Variants in GALNT7 observed in about 807,000 individuals in gnomAD.
GALNT7 encodes the protein N-acetylgalactosaminyltransferase 7.
A neutral mutation model predicts 82.1 loss-of-function variants in GALNT7; 60 were observed. The ratio of observed to expected loss-of-function variants is 0.73; its 90% CI spans 0.59 to 0.91. The LOEUF (loss-of-function observed/expected upper bound fraction) is 0.91, where lower values mean the gene tolerates loss of function less well. Ranked by LOEUF, GALNT7 falls within the 40% of genes least tolerant of loss-of-function variation. GALNT7 has a pLI of 0.00. For missense variants in GALNT7, 660 were observed against 804.2 expected (o/e 0.82, Z 2.17); for synonymous variants, 243 against 275.1 (o/e 0.88, Z 1.15).
intron 2 of GALNT7, among the ~76,000 whole-genome samples, chr4:173,264,373 A>G (rs990677948): frequency 1.3e-5 from 2 of 152,178 alleles, no homozygotes; most frequent in East Asian, 3.9e-4. Flanking sequence ...AGTGTCCATT[A>G]TAAGGTATAA....
At chr4:173,303,513 C>T (rs7684771) in intron 7 of GALNT7, among the ~76,000 whole-genome samples, 4,152 of 152,216 alleles carry the variant, frequency 0.027, 196 homozygotes, top group African/African-American at 0.093. Flanking sequence ...CAGTGGAGAA[C>T]GATCAAAGAT....
chr4:173,312,143 C>G (rs1357611194), intron 8 of GALNT7, among the ~76,000 whole-genome samples: 5 of 152,100 alleles, frequency 3.3e-5, no homozygotes, highest in African/African-American at 1.2e-4. Context: ...CTATCTGGCC[C>G]TTTATAGAGA....
At chr4:173,234,799 TAAAAC>T (rs1243083495) in intron 1 of GALNT7, among the ~76,000 whole-genome samples, 4 of 152,032 alleles carry the variant, frequency 2.6e-5, no homozygotes, top group African/African-American at 7.3e-5. Flanking sequence ...GCACTGGTTA[TAAAAC>T]AAAACAAAAG....
intron 1 of GALNT7, among the ~76,000 whole-genome samples, chr4:173,179,971 G>A (rs143916697): frequency 3.6e-3 from 540 of 151,862 alleles, no homozygotes; most frequent in African/African-American, 0.012. Context: ...ATTTATTATC[G>A]CAAAAATAGT....
At chr4:173,192,928 C>A (rs1480136638) in intron 1 of GALNT7, among the ~76,000 whole-genome samples, 1 of 152,164 alleles carries the variant, frequency 6.6e-6, no homozygotes. Context: ...GTGGTGTTGT[C>A]CACTAAAGAC....
intron 1 of GALNT7, among the ~76,000 whole-genome samples, chr4:173,171,000 G>A (rs191663299): frequency 5.3e-5 from 8 of 152,198 alleles, no homozygotes; most frequent in African/African-American, 1.7e-4. Flanking sequence ...GTTTCTCAGT[G>A]GATCCAGTGT....
intron 1 of GALNT7, among the ~76,000 whole-genome samples, chr4:173,197,063 C>CTTTTTTTTT (rs5864189): frequency 2.5e-5 from 3 of 117,954 alleles, no homozygotes; most frequent in African/African-American, 6.5e-5. Context: ...CTCTCTCTCC[C>CTTTTTTTTT]TTTTTTTTTT....
Position 173,242,205 on chromosome 4 carries a change from A to AG in GALNT7, c.127-5772dup, listed in dbSNP as rs945597626. ...ATATCTTGGCCTGATACTTAAAGAA[A>AG]GGGAAAAAAAAGATAAAGAAGAATA... On this transcript the variant is annotated intron_variant, in intron 1 of 11. Coordinates refer to ENST00000265000, the MANE Select transcript of GALNT7 (RefSeq NM_017423.3). Among the ~76,000 whole-genome samples, 67 of 152,378 alleles carry AG rather than the reference A, an allele frequency of 4.4e-4. 1 individual carries two copies. The highest frequency in any genetic ancestry group is 7.8e-4 in the Non-Finnish European group (53 of 68,044).
At chr4:173,201,224 C>T (rs1401943729) in intron 1 of GALNT7, among the ~76,000 whole-genome samples, 2 of 151,688 alleles carry the variant, frequency 1.3e-5, no homozygotes, top group Non-Finnish European at 2.9e-5. Context: ...ATTTTTCTGC[C>T]AAATATTTTA....
At chr4:173,193,046 G>C (rs1303762201) in intron 1 of GALNT7, among the ~76,000 whole-genome samples, 1 of 152,200 alleles carries the variant, frequency 6.6e-6, no homozygotes, top group Non-Finnish European at 1.5e-5. Context: ...TGCCAAGGAA[G>C]CCAGTCTATA....
rs1284774742 is a variant in GALNT7 at position 173,322,988 on chromosome 4, CAGA to C, written c.*1275_*1277del. ...TTTTTATTAGTATTTTTCCGGTGAA[CAGA>C]AGATTTGTTTGGATTTAAACATTTA... On this transcript the variant is annotated 3_prime_UTR_variant, in exon 12 of 12. Coordinates refer to ENST00000265000, the MANE Select transcript of GALNT7 (RefSeq NM_017423.3). 6.6e-6 allele frequency: 1 copy of C among 152,056 alleles called. No homozygotes were observed. The highest frequency in any genetic ancestry group is 2.1e-4 in the South Asian group (1 of 4,820). The allele number at this position is 152,056 out of a possible 1,614,324, so 9.4% of individuals were successfully genotyped here. A position where few individuals can be genotyped will look rare whatever the true frequency, so the allele number is the denominator to read the frequency against.
chr4:173,283,532 TG>T (rs1378041516), intron 2 of GALNT7, among the ~76,000 whole-genome samples: 2 of 150,530 alleles, frequency 1.3e-5, no homozygotes, highest in Non-Finnish European at 3.0e-5. Flanking sequence ...CCCGGCTACT[TG>T]GGAGGCTGAA....
intron 2 of GALNT7, among the ~76,000 whole-genome samples, chr4:173,262,285 A>G (rs1253930098): frequency 6.6e-6 from 1 of 152,232 alleles, no homozygotes; most frequent in African/African-American, 2.4e-5. Context: ...ATCTGAAAGC[A>G]TAAAAAAGAA....
chr4:173,265,648 C>T (rs570732347), intron 2 of GALNT7, among the ~76,000 whole-genome samples: 2 of 134,770 alleles, frequency 1.5e-5, no homozygotes, highest in East Asian at 2.7e-4. Flanking sequence ...CCCAAGACCC[C>T]CTCATTCCCC....
intron 2 of GALNT7, among the ~76,000 whole-genome samples, chr4:173,275,396 C>T (rs972574204): frequency 1.3e-5 from 2 of 152,304 alleles, no homozygotes; most frequent in African/African-American, 2.4e-5. Flanking sequence ...GTCATGATAA[C>T]ACCTGGACAG....
chr4:173,176,965 A>C (rs1352350173), intron 1 of GALNT7, among the ~76,000 whole-genome samples: 1 of 152,218 alleles, frequency 6.6e-6, no homozygotes, highest in Non-Finnish European at 1.5e-5. Context: ...AAGGACCTAG[A>C]AACTGAATAC....
chr4:173,285,722 A>G lies in GALNT7; in HGVS notation c.588-6386A>G, dbSNP rs558491968. Among the ~76,000 whole-genome samples the G allele has an allele frequency of 4.0e-4, 61 of 152,368 alleles. 1 individual carries two copies. The highest frequency in any genetic ancestry group is 5.2e-4 in the Admixed American group (8 of 15,304). ...ATGTATGACTACACAGACAGACAGAAGAAGATCCAGCAGCTCAGGGTGGAG... is the reference window on the plus strand; with the variant it reads ...ATGTATGACTACACAGACAGACAGAGGAAGATCCAGCAGCTCAGGGTGGAG... On this transcript the variant is annotated intron_variant, in intron 2 of 11. Transcript: ENST00000265000.
At chr4:173,282,539 A>G (rs1429987460) in intron 2 of GALNT7, 1 of 152,000 alleles carries the variant, frequency 6.6e-6, no homozygotes, top group East Asian at 1.9e-4. Flanking sequence ...TGGGAACTCT[A>G]ACTGCTGTTA....
At chr4:173,250,103 G>C (rs1021391345) in intron 2 of GALNT7, among the ~76,000 whole-genome samples, 2 of 152,190 alleles carry the variant, frequency 1.3e-5, no homozygotes, top group Admixed American at 6.5e-5. Flanking sequence ...GGCTCAGACA[G>C]AGTTGTGACT....
Sources: gnomAD v4.1 joint callset for allele counts (sites outside exome capture counted in the v4.1 genomes callset) on GRCh38, gnomAD v4.1.1 for gene constraint, MANE v1.5 for transcripts, NCBI Gene and HGNC (gene_info 2026-07-23, HGNC 2026-07-21) for gene names.